Variants in PIP4K2A observed in about 807,000 individuals in gnomAD.
PIP4K2A encodes the protein phosphatidylinositol-5-phosphate 4-kinase type 2 alpha.
PIP4K2A carries 14 observed loss-of-function variants against 42.9 expected under a neutral mutation model. The observed-to-expected ratio is 0.33, with a 90% CI of 0.22 to 0.51. The LOEUF (loss-of-function observed/expected upper bound fraction) is 0.51. Among genes scored for constraint, PIP4K2A ranks in the 20% least tolerant of loss-of-function variants. The pLI is 0.97. For synonymous variants in PIP4K2A, 192 were observed against 192.2 expected, an observed-to-expected ratio of 1.00 and a Z score of 0.01; for missense variants, 434 against 519.8, an observed-to-expected ratio of 0.83 and a Z score of 1.61.
At position 22,607,116 on chromosome 10, in the gene PIP4K2A, T is replaced by C. The variant is rs193196919; in HGVS notation, c.339+811A>G. On this transcript the variant is annotated intron_variant, in intron 3 of 9. Transcript: ENST00000376573. ...GCATTTTGGATTTCAGATTTTCTGA[T>C]TGGGATACTCAACCTGTCCCTTGGA... is the stretch of plus-strand genomic sequence containing the variant. Among the ~76,000 whole-genome samples, 20 of 152,346 alleles carry C rather than the reference T, an allele frequency of 1.3e-4. No homozygotes were observed. In the East Asian group the frequency reaches 1.5e-3, roughly 12 times the overall value.
chr10:22,656,004 C>T (rs1233247258), intron 1 of PIP4K2A, among the ~76,000 whole-genome samples: 2 of 152,114 alleles, frequency 1.3e-5, no homozygotes, highest in Non-Finnish European at 2.9e-5. Flanking sequence ...ACCAAGAATC[C>T]ACCAATCCTT....
intron 1 of PIP4K2A, among the ~76,000 whole-genome samples, chr10:22,677,853 G>T (rs769699776): frequency 6.6e-6 from 1 of 152,294 alleles, no homozygotes; most frequent in East Asian, 1.9e-4. Context: ...CCTTCTAGCT[G>T]AAGTTTAAAT....
In PIP4K2A at chr10:22,553,789, CTTTTTT is replaced by C. The variant is rs3074629; in HGVS notation, c.679-3023_679-3018del. Among the ~76,000 whole-genome samples, 297 of 118,532 alleles carry C rather than the reference CTTTTTT, an allele frequency of 2.5e-3. 1 individual carries two copies. The highest frequency in any genetic ancestry group is 8.4e-3 in the African/African-American group (262 of 31,302). 77.8% of individuals were successfully genotyped at this position (118,532 alleles called of 152,430 possible). ...GAAATGGGTATTACAGGTTGAAAAA[CTTTTTT>C]TTTTTTTTTTTTTTTTTTACAAAAA... On this transcript the variant is annotated intron_variant, in intron 6 of 9. Coordinates refer to ENST00000376573, the MANE Select transcript of PIP4K2A (RefSeq NM_005028.5).
Position 22,658,429 on chromosome 10 carries a change from A to G in PIP4K2A, c.145-48712T>C, listed in dbSNP as rs185862373. On this transcript the variant is annotated intron_variant, in intron 1 of 9. Coordinates refer to ENST00000376573, the MANE Select transcript of PIP4K2A (RefSeq NM_005028.5). Reference sequence around the variant, plus strand: ...GGACCACGGTATATTAATGTTTCATATAACTGTAAGAATCTGAGAACTTAA... The same window carrying G: ...GGACCACGGTATATTAATGTTTCATGTAACTGTAAGAATCTGAGAACTTAA... 8.2e-4 allele frequency among the ~76,000 whole-genome samples: 125 copies of G among 152,376 alleles called. 1 individual carries two copies. In the East Asian group the frequency reaches 0.018, roughly 22 times the overall value.
rs966004936 is a variant in PIP4K2A at position 22,536,644 on chromosome 10, A to G, written c.*557T>C. ...CGCTGTAGGTTTTTTCCTTGGAATC[A>G]TCATCATTATTATAATAATCATCAT... is the stretch of plus-strand genomic sequence containing the variant. On this transcript the variant is annotated 3_prime_UTR_variant, in exon 10 of 10. Coordinates refer to ENST00000376573, the MANE Select transcript of PIP4K2A (RefSeq NM_005028.5). 6.8e-6 allele frequency: 1 copy of G among 146,842 alleles called. No individual in the cohort carries two copies. The highest frequency in any genetic ancestry group is 2.5e-5 in the African/African-American group (1 of 39,614). The allele number at this position is 146,842 out of a possible 1,614,324, so 9.1% of individuals were successfully genotyped here. A position where few individuals can be genotyped will look rare whatever the true frequency, so the allele number is the denominator to read the frequency against.
intron 6 of PIP4K2A, among the ~76,000 whole-genome samples, chr10:22,552,740 G>GT (rs1237874530): frequency 1.3e-5 from 2 of 152,174 alleles, no homozygotes; most frequent in Non-Finnish European, 2.9e-5. Context: ...GAGAAGGATC[G>GT]TAATTTTCCC....
At chr10:22,593,636 T>C (rs973060078) in intron 3 of PIP4K2A, among the ~76,000 whole-genome samples, 2 of 152,268 alleles carry the variant, frequency 1.3e-5, no homozygotes, top group Non-Finnish European at 2.9e-5. Flanking sequence ...AAAGCAATTA[T>C]TGCTCTTTGT....
intron 4 of PIP4K2A, among the ~76,000 whole-genome samples, chr10:22,586,762 C>T (rs1032237450): frequency 3.3e-5 from 5 of 152,100 alleles, no homozygotes; most frequent in African/African-American, 7.2e-5. Flanking sequence ...AACCCCTGAC[C>T]TCAGGTGATC....
At chr10:22,542,132 AG>A in intron 7 of PIP4K2A, 85 bp from the exon 8 acceptor site, 1 of 1,275,628 alleles carries the variant, frequency 7.8e-7, no homozygotes, top group Non-Finnish European at 1.1e-6. Flanking sequence ...GGTGACACCC[AG>A]AGGGAAGGCT....
At chr10:22,636,355 G>C (rs1838662060) in intron 1 of PIP4K2A, among the ~76,000 whole-genome samples, 1 of 152,138 alleles carries the variant, frequency 6.6e-6, no homozygotes, top group African/African-American at 2.4e-5. Flanking sequence ...AGGCTCAAGG[G>C]ATCCTCCCAC....
chr10:22,581,762 T>C (rs145029688), intron 4 of PIP4K2A, among the ~76,000 whole-genome samples: 215 of 152,238 alleles, frequency 1.4e-3, no homozygotes, highest in African/African-American at 4.6e-3. Context: ...TTTTCTCATC[T>C]GTAACATGCA....
At chr10:22,667,837 A>C (rs1167471777) in intron 1 of PIP4K2A, among the ~76,000 whole-genome samples, 1 of 151,860 alleles carries the variant, frequency 6.6e-6, no homozygotes, top group Non-Finnish European at 1.5e-5. Context: ...TCTTAGCCAC[A>C]GAAAATCCTG....
intron 1 of PIP4K2A, among the ~76,000 whole-genome samples, chr10:22,657,525 A>ATGCCTTTCAAC (rs1334724339): frequency 6.6e-6 from 1 of 152,246 alleles, no homozygotes; most frequent in Non-Finnish European, 1.5e-5. Context: ...CTTCAAAAGG[A>ATGCCTTTCAAC]TGCCTTTCAA....
chr10:22,593,066 A>G (rs1049505433), intron 3 of PIP4K2A, among the ~76,000 whole-genome samples: 2 of 152,188 alleles, frequency 1.3e-5, no homozygotes, highest in African/African-American at 4.8e-5. Context: ...TCCTTTCTAG[A>G]TGAAATCAAC....
intron 4 of PIP4K2A, among the ~76,000 whole-genome samples, chr10:22,576,292 C>A (rs1219203373): frequency 6.6e-6 from 1 of 152,148 alleles, no homozygotes; most frequent in Non-Finnish European, 1.5e-5. Context: ...GGGCTAGGAA[C>A]CTCTGTTCTC....
chr10:22,582,700 G>GAAAGGAAGGGAAGGA (rs1034665921), intron 4 of PIP4K2A, among the ~76,000 whole-genome samples: 1 of 152,018 alleles, frequency 6.6e-6, no homozygotes, highest in African/African-American at 2.4e-5. Flanking sequence ...AAAGGAAAGG[G>GAAAGGAAGGGAAGGA]AAAGGAAGGG....
intron 1 of PIP4K2A, among the ~76,000 whole-genome samples, chr10:22,664,761 C>T (rs1839316998): frequency 6.6e-6 from 1 of 151,912 alleles, no homozygotes; most frequent in South Asian, 2.1e-4. Context: ...ACCACAGAGC[C>T]ACAGACATCT....
intron 1 of PIP4K2A, among the ~76,000 whole-genome samples, chr10:22,681,061 C>T (rs1418406593): frequency 2.6e-5 from 4 of 152,298 alleles, no homozygotes; most frequent in East Asian, 1.9e-4. Flanking sequence ...CTGTTTTATA[C>T]TCCCCATGTA....
intron 3 of PIP4K2A, among the ~76,000 whole-genome samples, chr10:22,604,181 A>G (rs1210794678): frequency 1.3e-5 from 2 of 152,236 alleles, no homozygotes; most frequent in East Asian, 3.8e-4. Context: ...GAGGAAAGAT[A>G]CAAATGTTTA....
Sources: gnomAD v4.1 joint callset for allele counts (sites outside exome capture counted in the v4.1 genomes callset) on GRCh38, gnomAD v4.1.1 for gene constraint, MANE v1.5 for transcripts, NCBI Gene and HGNC (gene_info 2026-07-23, HGNC 2026-07-21) for gene names.